WWOX: variants seen among roughly 807,000 people sequenced by gnomAD.
WWOX encodes WW domain containing oxidoreductase.
WWOX carries 69 observed loss-of-function variants against 46.2 expected under a neutral mutation model. The ratio of observed to expected loss-of-function variants is 1.49; its 90% CI spans 1.23 to 1.82. The LOEUF is 1.82. Ranked by LOEUF, WWOX falls within the 40% of genes most tolerant of loss-of-function variation. The pLI is 0.00. For synonymous variants in WWOX, 359 were observed against 202.6 expected (o/e 1.77, Z -6.56); for missense variants, 919 against 542.6 (o/e 1.69, Z -6.89).
chr16:78,328,239 C>G (rs1006238950), intron 5 of WWOX, among the ~76,000 whole-genome samples: 1 of 152,062 alleles, frequency 6.6e-6, no homozygotes, highest in African/African-American at 2.4e-5. Flanking sequence ...CAAAAAACAA[C>G]AAGTGGCAGC....
At chr16:78,799,234 T>A (rs937109501) in intron 8 of WWOX, among the ~76,000 whole-genome samples, 4 of 152,128 alleles carry the variant, frequency 2.6e-5, no homozygotes, top group Admixed American at 1.3e-4. Flanking sequence ...TCATCTGGAG[T>A]TAGGCTTGTG....
intron 6 of WWOX, among the ~76,000 whole-genome samples, chr16:78,415,435 C>G: frequency 6.6e-6 from 1 of 152,218 alleles, no homozygotes; most frequent in Non-Finnish European, 1.5e-5. Flanking sequence ...GTGCTGACCT[C>G]CTATGTTATC....
At chr16:78,790,289 C>T (rs1012100469) in intron 8 of WWOX, among the ~76,000 whole-genome samples, 5 of 152,122 alleles carry the variant, frequency 3.3e-5, no homozygotes, top group African/African-American at 1.2e-4. Flanking sequence ...CGCACGCCAG[C>T]ACGCCTGACT....
intron 8 of WWOX, among the ~76,000 whole-genome samples, chr16:78,885,633 A>C (rs534939692): frequency 6.6e-6 from 1 of 152,318 alleles, no homozygotes; most frequent in East Asian, 1.9e-4. Flanking sequence ...TTATTTGAGC[A>C]AGTTGCAATT....
chr16:78,759,035 C>A (rs1226429530), intron 8 of WWOX, among the ~76,000 whole-genome samples: 1 of 151,654 alleles, frequency 6.6e-6, no homozygotes, highest in Non-Finnish European at 1.5e-5. Flanking sequence ...GAACCTGGAA[C>A]TTCCCTTTCT....
intron 8 of WWOX, among the ~76,000 whole-genome samples, chr16:78,484,569 A>C (rs577050115): frequency 6.6e-6 from 1 of 152,368 alleles, no homozygotes; most frequent in Admixed American, 6.5e-5. Context: ...ACGTATACTT[A>C]AGCAGAAGTT....
At chr16:78,509,358 G>T (rs1444665610) in intron 8 of WWOX, among the ~76,000 whole-genome samples, 1 of 151,908 alleles carries the variant, frequency 6.6e-6, no homozygotes, top group Non-Finnish European at 1.5e-5. Flanking sequence ...GAACTCGCTT[G>T]AACCCGGGAG....
intron 8 of WWOX, among the ~76,000 whole-genome samples, chr16:78,847,020 C>G (rs2151175631): frequency 6.6e-6 from 1 of 152,350 alleles, no homozygotes; most frequent in South Asian, 2.1e-4. Flanking sequence ...GTCTTTCGGG[C>G]AGGTTCCTGC....
rs2051292009 is a variant in WWOX, at chr16:78,814,952, C to T, written c.1056+382200C>T. Among the ~76,000 whole-genome samples the T allele has an allele frequency of 2.6e-5, 4 of 152,294 alleles. 1 individual carries two copies. Among genetic ancestry groups the T allele is most frequent in the African/African-American group, 9.6e-5 (4 of 41,572 alleles). On this transcript the variant is annotated intron_variant, in intron 8 of 8. Coordinates refer to ENST00000566780, the MANE Select transcript of WWOX (RefSeq NM_016373.4). ...ACCATAGTTGGCTCTCTTGCCCTTT[C>T]TTCTTCTGGTTGGATTTAGCAATTT...
chr16:78,787,372 C>G (rs1013723640), intron 8 of WWOX, among the ~76,000 whole-genome samples: 1 of 152,150 alleles, frequency 6.6e-6, no homozygotes, highest in Non-Finnish European at 1.5e-5. Context: ...CTTTGTGTCT[C>G]TATAGATTTG....
chr16:78,580,207 G>A (rs1196396882), intron 8 of WWOX, among the ~76,000 whole-genome samples: 1 of 151,992 alleles, frequency 6.6e-6, no homozygotes, highest in Admixed American at 6.6e-5. Context: ...TTGAGTAGGT[G>A]GGACTATAGG....
chr16:78,997,109 C>T (rs575686008), intron 8 of WWOX, among the ~76,000 whole-genome samples: 2 of 151,772 alleles, frequency 1.3e-5, no homozygotes, highest in Non-Finnish European at 2.9e-5. Context: ...TTCTGCTCTT[C>T]AATGTAGACA....
chr16:78,825,368 G>A, intron 8 of WWOX: 1 of 274,034 alleles, frequency 3.6e-6, no homozygotes, highest in Non-Finnish European at 7.5e-6. Context: ...TCCGGAGCTG[G>A]CTAAAGACGC....
At chr16:79,008,148 G>A (rs1486208128) in intron 8 of WWOX, among the ~76,000 whole-genome samples, 1 of 152,108 alleles carries the variant, frequency 6.6e-6, no homozygotes, top group Non-Finnish European at 1.5e-5. Context: ...TGAGGTGCTT[G>A]TTTTCTTGCT....
At chr16:78,276,792 T>C (rs180794411) in intron 5 of WWOX, among the ~76,000 whole-genome samples, 317 of 152,350 alleles carry the variant, frequency 2.1e-3, no homozygotes, top group African/African-American at 7.2e-3. Context: ...GGATATTTAC[T>C]GTCTGAAAGT....
At chr16:78,974,373 G>C (rs529991470) in intron 8 of WWOX, among the ~76,000 whole-genome samples, 2 of 152,180 alleles carry the variant, frequency 1.3e-5, no homozygotes, top group African/African-American at 4.8e-5. Context: ...TGAACAGTAC[G>C]TGGGTTCTTC....
rs564889323 is a variant in WWOX at position 78,345,755 on chromosome 16, A to G, written c.517-41105A>G. Among the ~76,000 whole-genome samples the G allele has an allele frequency of 3.4e-5, 4 of 118,114 alleles. 1 individual carries two copies. The highest frequency in any genetic ancestry group is 3.9e-4 in the East Asian group (2 of 5,170). The allele number at this position is 118,114 out of a possible 152,430, so 77.5% of individuals were successfully genotyped here. On this transcript the variant is annotated intron_variant, in intron 5 of 8. Coordinates refer to ENST00000566780, the MANE Select transcript of WWOX (RefSeq NM_016373.4). ...ATTAATACTGCTGTTCTTAACTCTG[A>G]AAGCAGAGTGGGCCATTTGAATGCT...
At chr16:78,656,931 T>A (rs2047094688) in intron 8 of WWOX, among the ~76,000 whole-genome samples, 1 of 152,220 alleles carries the variant, frequency 6.6e-6, no homozygotes. Context: ...ACCGCTGCTC[T>A]GACCATCATG....
intron 8 of WWOX, among the ~76,000 whole-genome samples, chr16:79,003,073 C>G (rs533054558): frequency 6.6e-6 from 1 of 152,280 alleles, no homozygotes; most frequent in East Asian, 1.9e-4. Context: ...ACAATTCAGA[C>G]CCCACTCTTC....
Sources: allele counts gnomAD v4.1 joint callset (sites outside exome capture counted in the v4.1 genomes callset), GRCh38; gene constraint gnomAD v4.1.1; transcripts MANE v1.5; gene names NCBI Gene and HGNC (gene_info 2026-07-23, HGNC 2026-07-21).